Variants in RAB3D observed in about 807,000 individuals in gnomAD.
The protein encoded by RAB3D is RAB3D, member RAS oncogene family.
RAB3D carries 17 observed loss-of-function variants against 19.3 expected under a neutral mutation model. That is an observed-to-expected ratio of 0.88 (90% CI 0.60 to 1.32). RAB3D has a LOEUF of 1.32. Ranked by LOEUF, RAB3D falls within the 40% of genes most tolerant of loss-of-function variation. The pLI, the probability that RAB3D is intolerant of heterozygous loss-of-function variation, is 0.00. For missense variants in RAB3D, 223 were observed against 299.1 expected, an observed-to-expected ratio of 0.75 and a Z score of 1.88; for synonymous variants, 103 against 119.9, an observed-to-expected ratio of 0.86 and a Z score of 0.92.
At chr19:11,327,658 C>G (rs1323666388) in intron 4 of RAB3D, among the ~76,000 whole-genome samples, 1 of 152,090 alleles carries the variant, frequency 6.6e-6, no homozygotes. Context: ...CTCAGCTTCC[C>G]AAAGTGCTGG....
At chr19:11,334,095 G>A (rs1159046469) in intron 4 of RAB3D, among the ~76,000 whole-genome samples, 1 of 152,146 alleles carries the variant, frequency 6.6e-6, no homozygotes, top group African/African-American at 2.4e-5. Context: ...GAGACTGTAT[G>A]GCCAAAAATA....
At chr19:11,330,065 G>A (rs756398884) in intron 4 of RAB3D, among the ~76,000 whole-genome samples, 8 of 152,098 alleles carry the variant, frequency 5.3e-5, no homozygotes, top group East Asian at 1.9e-4. Flanking sequence ...GCAAGTAGGT[G>A]TGGAAAGCAC....
At chr19:11,335,396 G>A in intron 4 of RAB3D, 51 bp downstream of exon 4, 1 of 1,606,548 alleles carries the variant, frequency 6.2e-7, no homozygotes, top group Non-Finnish European at 8.5e-7. Flanking sequence ...GGATGGGGAT[G>A]AGGGTTTGGT....
chr19:11,336,130 G>A (rs1289529426), intron 2 of RAB3D, among the ~76,000 whole-genome samples: 1 of 152,126 alleles, frequency 6.6e-6, no homozygotes, highest in African/African-American at 2.4e-5. Flanking sequence ...GTACCATCCT[G>A]ACAGGACACC....
At chr19:11,335,907 C>A (rs751038747) in intron 2 of RAB3D, 124 bp from the exon 3 acceptor site, 6 of 871,350 alleles carry the variant, frequency 6.9e-6, no homozygotes, top group Middle Eastern at 3.0e-4. Context: ...CTTGCTTGTA[C>A]AACCTCTGGT....
At chr19:11,328,001 A>G (rs1355924036) in intron 4 of RAB3D, among the ~76,000 whole-genome samples, 2 of 152,012 alleles carry the variant, frequency 1.3e-5, no homozygotes, top group Non-Finnish European at 2.9e-5. Flanking sequence ...GTTTGAGACC[A>G]GCCTGGGCAA....
At position 11,337,211 on chromosome 19, in the gene RAB3D, G is replaced by A. The variant is rs201056318; in HGVS notation, c.189C>T (p.Thr63=). 554 of 1,614,004 alleles carry A rather than the reference G, an allele frequency of 3.4e-4. 4 individuals carry two copies. Among genetic ancestry groups the A allele is most frequent in the Middle Eastern group, 1.7e-4 (1 of 6,060 alleles). The change falls in exon 2 of 5, where the codon ACC becomes ACT. Residue 63 remains threonine, a synonymous_variant. Transcript: ENST00000222120. ...TGATCCTCTTGTCATGGCGGTAGAC[G>A]GTCTTGACCTTGAAATCGATGCCCA... ...STVGIDFKVK[T]VYRHDKRIKL...
In RAB3D at chr19:11,335,695, T is replaced by C. The variant is rs191731916; in HGVS notation, c.317A>G (p.Asn106Ser). 2.2e-5 allele frequency: 35 copies of C among 1,614,162 alleles called. 1 individual carries two copies. The East Asian group carries it at 5.1e-4, about 24-fold the overall frequency. ...CTGCACAGCGGCAAAGGATTCCTGA[T>C]TGGCGATGTCATACATGAGCAGGAA... ...MGFLLMYDIA[N>S]QESFAAVQDW... Residue 106 changes from asparagine to serine, a missense_variant, in exon 3 of 5, where the codon AAT (asparagine) becomes AGT (serine). Transcript: ENST00000222120.
chr19:11,335,954 C>T (rs1407875407), intron 2 of RAB3D, among the ~76,000 whole-genome samples, 171 bp from the exon 3 acceptor site: 3 of 152,224 alleles, frequency 2.0e-5, no homozygotes, highest in East Asian at 3.8e-4. Context: ...CTCACAACCC[C>T]AGTCTGATGG....
intron 4 of RAB3D, among the ~76,000 whole-genome samples, chr19:11,329,873 G>C (rs1402254753): frequency 6.6e-6 from 1 of 151,958 alleles, no homozygotes; most frequent in Non-Finnish European, 1.5e-5. Flanking sequence ...GTAGAGACAG[G>C]GTTTTACCAT....
At chr19:11,328,578 T>A (rs757398449) in intron 4 of RAB3D, among the ~76,000 whole-genome samples, 2 of 151,188 alleles carry the variant, frequency 1.3e-5, no homozygotes, top group African/African-American at 2.4e-5. Flanking sequence ...ACCCGGGAGG[T>A]GTAGGTTGCA....
At position 11,337,376 on chromosome 19, in the gene RAB3D, C is replaced by T; in HGVS notation, c.24G>A (p.Gln8=). 1 of 1,614,060 alleles carries T rather than the reference C, an allele frequency of 6.2e-7. No individual in the cohort carries two copies. Among genetic ancestry groups the T allele is most frequent in the Non-Finnish European group, 8.5e-7 (1 of 1,179,932 alleles). ...GATCTGCTGCATCCCGTGGGCCTGC[C>T]TGGGTGTCTCCAGCTGATGCCATCT... The part of the protein sequence containing the change: MASAGDT[Q]AGPRDAADQN... Residue 8 remains glutamine, a synonymous_variant, in exon 2 of 5, where the codon CAG becomes CAA. Transcript: ENST00000222120.
intron 4 of RAB3D, among the ~76,000 whole-genome samples, chr19:11,328,269 G>T (rs2080822670): frequency 6.8e-6 from 1 of 148,136 alleles, no homozygotes; most frequent in Non-Finnish European, 1.5e-5. Flanking sequence ...GGGAGGCGGA[G>T]GTTGCAGTGA....
intron 4 of RAB3D, among the ~76,000 whole-genome samples, chr19:11,330,798 C>G (rs886736182): frequency 5.3e-5 from 8 of 152,030 alleles, no homozygotes; most frequent in African/African-American, 1.9e-4. Context: ...GATCCACCCG[C>G]CTCGGCCTCC....
rs1235451307 is a variant in RAB3D at position 11,326,762 on chromosome 19, C to G, written c.473-1177G>C. ...GGGGCTACAGGTGTGCCCCACCATGCCCGGCTAATTTTTCAATTTTTTCTT... is the reference window on the plus strand; with the variant it reads ...GGGGCTACAGGTGTGCCCCACCATGGCCGGCTAATTTTTCAATTTTTTCTT... On this transcript the variant is annotated intron_variant, in intron 4 of 4. Coordinates refer to ENST00000222120, the MANE Select transcript of RAB3D (RefSeq NM_004283.4). 8.6e-6 allele frequency: 6 copies of G among 696,326 alleles called. No homozygotes were observed. In the South Asian group the frequency reaches 9.0e-5, roughly 10 times the overall value. 43.1% of individuals were successfully genotyped at this position (696,326 alleles called of 1,614,324 possible).
intron 4 of RAB3D, among the ~76,000 whole-genome samples, chr19:11,330,239 ACCT>A (rs1269095129): frequency 6.6e-6 from 1 of 152,082 alleles, no homozygotes; most frequent in Non-Finnish European, 1.5e-5. Flanking sequence ...AGGTCAGCAA[ACCT>A]CCTCTGTAAA....
Position 11,337,233 on chromosome 19 carries a change from C to T in RAB3D, c.167G>A (p.Gly56Asp). 6.2e-7 allele frequency: 1 copy of T among 1,614,118 alleles called. No homozygotes were observed. The highest frequency in any genetic ancestry group is 8.5e-7 in the Non-Finnish European group (1 of 1,180,020). ...SFTPAFVSTV[G>D]IDFKVKTVYR... ...GACGGTCTTGACCTTGAAATCGATG[C>T]CCACAGTACTGACGAAGGCGGGAGT... is the stretch of plus-strand genomic sequence containing the variant. The change falls in exon 2 of 5, where the codon GGC becomes GAC. Residue 56 changes from glycine (G) to aspartate (D), a missense_variant. Coordinates refer to ENST00000222120, the MANE Select transcript of RAB3D (RefSeq NM_004283.4).
chr19:11,329,568 C>T (rs1232625156), intron 4 of RAB3D, among the ~76,000 whole-genome samples: 3 of 150,876 alleles, frequency 2.0e-5, no homozygotes, highest in African/African-American at 4.9e-5. Context: ...GATTGTGCCA[C>T]TGCACTCCAG....
At chr19:11,329,838 C>T (rs1056477897) in intron 4 of RAB3D, among the ~76,000 whole-genome samples, 2 of 151,958 alleles carry the variant, frequency 1.3e-5, no homozygotes, top group African/African-American at 4.8e-5. Context: ...CGTGCCACCA[C>T]ACCCAGCTAA....
Sources: gnomAD v4.1 joint callset for allele counts (sites outside exome capture counted in the v4.1 genomes callset) on GRCh38, gnomAD v4.1.1 for gene constraint, MANE v1.5 for transcripts, NCBI Gene and HGNC (gene_info 2026-07-23, HGNC 2026-07-21) for gene names.